DERL3: variants seen among roughly 807,000 people sequenced by gnomAD.
DERL3 encodes the protein derlin 3.
A neutral mutation model predicts 23.8 loss-of-function variants in DERL3; 20 were observed. The ratio of observed to expected loss-of-function variants is 0.84; its 90% CI spans 0.59 to 1.22. DERL3 has a LOEUF of 1.22. DERL3 is among the 50% of genes most tolerant of loss of function. The pLI is 0.00. For missense variants in DERL3, 319 were observed against 304.1 expected, an observed-to-expected ratio of 1.05 and a Z score of -0.36; for synonymous variants, 145 against 132.5, an observed-to-expected ratio of 1.09 and a Z score of -0.65.
At chr22:23,837,322 A>G in intron 5 of DERL3, 168 bp from the exon 6 acceptor site, 1 of 874,988 alleles carries the variant, frequency 1.1e-6, no homozygotes, top group Non-Finnish European at 1.8e-6. Flanking sequence ...CGTGAAGGAC[A>G]AGCTTAAAAG....
chr22:23,835,151 G>T lies in DERL3; in HGVS notation c.*1718C>A. 2.3e-6 allele frequency: 3 copies of T among 1,326,428 alleles called. No individual in the cohort carries two copies. Among genetic ancestry groups the T allele is most frequent in the South Asian group, 4.4e-5 (2 of 45,644 alleles). The allele number at this position is 1,326,428 out of a possible 1,614,324, so 82.2% of individuals were successfully genotyped here. A position where few individuals can be genotyped will look rare whatever the true frequency, so the allele number is the denominator to read the frequency against. The stretch of plus-strand genomic sequence containing the variant: ...TGGTGCCAGCTCTTGGAGTTGACAC[G>T]GTACAGGGAGGAGACACAGCCCAGG... On this transcript the variant is annotated 3_prime_UTR_variant, in exon 7 of 7. Coordinates refer to ENST00000318109, the MANE Select transcript of DERL3 (RefSeq NM_001002862.3).
At chr22:23,838,009 C>G (rs2146068057) in intron 4 of DERL3, 155 bp from the exon 5 acceptor site, 6 of 1,268,146 alleles carry the variant, frequency 4.7e-6, no homozygotes, top group Non-Finnish European at 6.4e-6. Flanking sequence ...ACTCCACGGG[C>G]TTCAGGTCCC....
Position 23,835,926 on chromosome 22 carries a change from G to A in DERL3, c.*943C>T, listed in dbSNP as rs549121794. The A allele has an allele frequency of 1.6e-4, 159 of 985,382 alleles. No homozygotes were observed. The highest frequency in any genetic ancestry group is 1.9e-4 in the Non-Finnish European group (154 of 829,960). The allele number at this position is 985,382 out of a possible 1,614,324, so 61.0% of individuals were successfully genotyped here. A position where few individuals can be genotyped will look rare whatever the true frequency, so the allele number is the denominator to read the frequency against. On this transcript the variant is annotated 3_prime_UTR_variant, in exon 7 of 7. Coordinates refer to ENST00000318109, the MANE Select transcript of DERL3 (RefSeq NM_001002862.3). Reference sequence around the variant, plus strand: ...TCTCCACAAGGTCTGGCTACAACACGGAGGGCAGACTCAACAGAGAACAGT... The same window carrying A: ...TCTCCACAAGGTCTGGCTACAACACAGAGGGCAGACTCAACAGAGAACAGT...
Position 23,838,750 on chromosome 22 carries a change from T to G in DERL3, c.120A>C (p.Gln40His). 6.4e-7 allele frequency: 1 copy of G among 1,550,942 alleles called. No individual in the cohort carries two copies. Among genetic ancestry groups the G allele is most frequent in the Non-Finnish European group, 8.7e-7 (1 of 1,146,752 alleles). ...ACACAAGGTGCGGGTTGAAGTAGAG[T>G]TGAAAGGGGCTGAGGAGCTCCAGCT... The part of the protein sequence containing the change: ...AVQLELLSPF[Q>H]LYFNPHLVFR... The change falls in exon 2 of 7, where the codon CAA (glutamine) becomes CAC (histidine). Residue 40 changes from glutamine to histidine, a missense_variant. Physicochemically the swap from Gln to His is conservative, Grantham distance 24. Coordinates refer to ENST00000318109, the MANE Select transcript of DERL3 (RefSeq NM_001002862.3).
Position 23,836,718 on chromosome 22 carries a change from C to A in DERL3, c.*151G>T. 1 of 1,344,532 alleles carries A rather than the reference C, an allele frequency of 7.4e-7. No homozygotes were observed. The highest frequency in any genetic ancestry group is 9.5e-7 in the Non-Finnish European group (1 of 1,054,512). The allele number at this position is 1,344,532 out of a possible 1,614,324, so 83.3% of individuals were successfully genotyped here. On this transcript the variant is annotated 3_prime_UTR_variant, in exon 7 of 7. Transcript: ENST00000318109. ...GCCAGGTGAGATGGGGAAGCCAGTG[C>A]TGTGGGCCAAGAGACTGCAGCTCAT...
In DERL3 at chr22:23,838,642, G is replaced by T. The variant is rs775943104; in HGVS notation, c.160-5C>A. On this transcript the variant is annotated splice_polypyrimidine_tract_variant and splice_region_variant and intron_variant, in intron 2 of 6. Transcript: ENST00000318109. ...GTTGGTGACGAGCCTCCAGACCTAC[G>T]GGGGACGGGCGGTCAGGTGCGGGGT... 6.4e-7 allele frequency: 1 copy of T among 1,567,278 alleles called. No individual in the cohort carries two copies. Among genetic ancestry groups the T allele is most frequent in the Non-Finnish European group, 8.6e-7 (1 of 1,156,586 alleles).
In DERL3 at chr22:23,837,320, A is replaced by T. The variant is rs911562537; in HGVS notation, c.524-166T>A. 8.8e-6 allele frequency: 8 copies of T among 910,472 alleles called. No individual in the cohort carries two copies. The East Asian group carries it at 1.9e-4, about 21-fold the overall frequency. The allele number at this position is 910,472 out of a possible 1,614,324, so 56.4% of individuals were successfully genotyped here. A position where few individuals can be genotyped will look rare whatever the true frequency, so the allele number is the denominator to read the frequency against. ...GCCAGCCCCGGGTTGGCCGTGAAGG[A>T]CAAGCTTAAAAGGCCCAGAAGCAGG... On this transcript the variant is annotated intron_variant, in intron 5 of 6. Coordinates refer to ENST00000318109, the MANE Select transcript of DERL3 (RefSeq NM_001002862.3).
At chr22:23,837,876 C>T (rs761550489) in intron 4 of DERL3, 22 bp from the exon 5 acceptor site, 17 of 1,599,196 alleles carry the variant, frequency 1.1e-5, no homozygotes, top group Non-Finnish European at 1.4e-5. Flanking sequence ...TCAAGGTGCT[C>T]CGGTGCAGGC....
Position 23,834,861 on chromosome 22 carries a change from G to A in DERL3, c.*2008C>T, listed in dbSNP as rs1247904230. 7 of 1,612,478 alleles carry A rather than the reference G, an allele frequency of 4.3e-6. No homozygotes were observed. Among genetic ancestry groups the A allele is most frequent in the Non-Finnish European group, 5.9e-6 (7 of 1,179,794 alleles). On this transcript the variant is annotated 3_prime_UTR_variant, in exon 7 of 7. Coordinates refer to ENST00000318109, the MANE Select transcript of DERL3 (RefSeq NM_001002862.3). The stretch of plus-strand genomic sequence containing the variant: ...TGCCGCGAGCTCTCCTGCCGTCCCT[G>A]GGCCGCCCTGGCTCTGCTGTGTCCA...
In DERL3 at chr22:23,837,749, C is replaced by G; in HGVS notation, c.433G>C (p.Gly145Arg). The change falls in exon 5 of 7, where the codon GGC becomes CGC. Residue 145 changes from glycine to arginine, a missense_variant. Physicochemically the swap from Gly to Arg is moderately radical, Grantham distance 125 (BLOSUM62 -2). Transcript: ENST00000318109. ...RSPRVRVNFF[G>R]LLTFQAPFLP... ...AACGGTGCCTGGAAAGTGAGCAGGC[C>G]GAAGAAGTTGACCCTCACCCGAGGG... The G allele has an allele frequency of 2.5e-6, 4 of 1,614,000 alleles. No individual in the cohort carries two copies. Among genetic ancestry groups the G allele is most frequent in the Non-Finnish European group, 3.4e-6 (4 of 1,180,008 alleles).
rs774006403 is a variant in DERL3, at chr22:23,838,551, G to T, written c.233+13C>A. ...GCCCTCCACCCAGCCCGTGTCCGCA[G>T]GGCGCAGGATACACGAAGAGCATGT... On this transcript the variant is annotated intron_variant, in intron 3 of 6. Coordinates refer to ENST00000318109, the MANE Select transcript of DERL3 (RefSeq NM_001002862.3). 1 of 1,582,116 alleles carries T rather than the reference G, an allele frequency of 6.3e-7. No homozygotes were observed. Among genetic ancestry groups the T allele is most frequent in the African/African-American group, 1.4e-5 (1 of 74,066 alleles).
chr22:23,835,785 G>C lies in DERL3; in HGVS notation c.*1084C>G. The C allele has an allele frequency of 1.0e-6, 1 of 985,492 alleles. No individual in the cohort carries two copies. The highest frequency in any genetic ancestry group is 1.2e-6 in the Non-Finnish European group (1 of 829,944). The allele number at this position is 985,492 out of a possible 1,614,324, so 61.0% of individuals were successfully genotyped here. ...AGCCCTGTGTCTCCACAACTGGGGG[G>C]ATGGAAGGAACCTTGGCTGCCTCAC... On this transcript the variant is annotated 3_prime_UTR_variant, in exon 7 of 7. Coordinates refer to ENST00000318109, the MANE Select transcript of DERL3 (RefSeq NM_001002862.3).
intron 4 of DERL3, 146 bp downstream of exon 4, chr22:23,838,206 T>A: frequency 6.5e-7 from 1 of 1,548,608 alleles, no homozygotes; most frequent in Non-Finnish European, 8.7e-7. Flanking sequence ...CCCCTGCAGC[T>A]GAGCACAGAG....
chr22:23,838,554 C>A lies in DERL3; in HGVS notation c.233+10G>T. On this transcript the variant is annotated intron_variant, in intron 3 of 6. Transcript: ENST00000318109. ...CTCCACCCAGCCCGTGTCCGCAGGG[C>A]GCAGGATACACGAAGAGCATGTTGA... 1.3e-6 allele frequency: 2 copies of A among 1,582,590 alleles called. No homozygotes were observed. Among genetic ancestry groups the A allele is most frequent in the Non-Finnish European group, 1.7e-6 (2 of 1,165,014 alleles).
At position 23,836,446 on chromosome 22, in the gene DERL3, G is replaced by T. The variant is rs370457454; in HGVS notation, c.*423C>A. On this transcript the variant is annotated 3_prime_UTR_variant, in exon 7 of 7. Transcript: ENST00000318109. Reference sequence around the variant, plus strand: ...CAGCCGAAATCTGGTGAACTTCCCCGCTGACTGGCAGGTAGCAGAGGCCTA... The same window carrying T: ...CAGCCGAAATCTGGTGAACTTCCCCTCTGACTGGCAGGTAGCAGAGGCCTA... The T allele has an allele frequency of 2.4e-5, 24 of 990,640 alleles. No individual in the cohort carries two copies. The highest frequency in any genetic ancestry group is 2.8e-5 in the Non-Finnish European group (23 of 833,700). The allele number at this position is 990,640 out of a possible 1,614,324, so 61.4% of individuals were successfully genotyped here.
In DERL3 at chr22:23,838,979, C is replaced by A. The variant is rs564539384; in HGVS notation, c.9G>T (p.Trp3Cys). MA[W>C]QGLAAEFLQV... Reference sequence around the variant, plus strand: ...GCAGGAACTCGGCCGCTAGTCCCTGCCACGCCATTGAACCTTCTCAAGCAC... The same window carrying A: ...GCAGGAACTCGGCCGCTAGTCCCTGACACGCCATTGAACCTTCTCAAGCAC... Residue 3 changes from tryptophan to cysteine, a missense_variant, in exon 1 of 7, where the codon TGG becomes TGT. Transcript: ENST00000318109. The A allele has an allele frequency of 1.9e-6, 3 of 1,574,664 alleles. No individual in the cohort carries two copies. The East Asian group carries it at 6.9e-5, about 36-fold the overall frequency.
intron 4 of DERL3, 187 bp from the exon 5 acceptor site, chr22:23,838,041 T>A: frequency 7.2e-7 from 1 of 1,391,516 alleles, no homozygotes; most frequent in Non-Finnish European, 9.6e-7. Flanking sequence ...CCTGCACACC[T>A]ACAGCCTCAT....
At position 23,837,652 on chromosome 22, in the gene DERL3, G is replaced by A; in HGVS notation, c.523+7C>T. On this transcript the variant is annotated splice_region_variant and intron_variant, in intron 5 of 6. Transcript: ENST00000318109. Reference sequence around the variant, plus strand: ...CTGGGGCGGACTAGATGTACCGGGAGGCTCACCCAGCAGGTCCACGAGGAT... The same window carrying A: ...CTGGGGCGGACTAGATGTACCGGGAAGCTCACCCAGCAGGTCCACGAGGAT... 1 of 1,610,980 alleles carries A rather than the reference G, an allele frequency of 6.2e-7. No individual in the cohort carries two copies. The highest frequency in any genetic ancestry group is 1.1e-5 in the South Asian group (1 of 90,924).
rs1166257177 is a variant in DERL3 at position 23,838,636 on chromosome 22, A to AC, written c.160dup (p.Val54GlyfsTer170). The AC allele has an allele frequency of 1.5e-6, 2 of 1,309,620 alleles. No individual in the cohort carries two copies. Among genetic ancestry groups the AC allele is most frequent in the Non-Finnish European group, 2.0e-6 (2 of 1,000,626 alleles). The allele number at this position is 1,309,620 out of a possible 1,614,324, so 81.1% of individuals were successfully genotyped here. On this transcript the variant is annotated frameshift_variant and splice_region_variant, in exon 3 of 7. Coordinates refer to ENST00000318109, the MANE Select transcript of DERL3 (RefSeq NM_001002862.3). LOFTEE classifies it high-confidence loss of function. ...GAGGAAGTTGGTGACGAGCCTCCAGACCTACGGGGGACGGGCGGTCAGGTG... is the reference window on the plus strand; with the variant it reads ...GAGGAAGTTGGTGACGAGCCTCCAGACCCTACGGGGGACGGGCGGTCAGGTG...
Sources: allele counts gnomAD v4.1 joint callset, GRCh38; gene constraint gnomAD v4.1.1; transcripts MANE v1.5; gene names NCBI Gene and HGNC (gene_info 2026-07-23, HGNC 2026-07-21).